NLRP13: variants seen among roughly 807,000 people sequenced by gnomAD.
NLRP13 encodes NLR family pyrin domain containing 13.
NLRP13 carries 82 observed loss-of-function variants against 94.4 expected under a neutral mutation model. That is an observed-to-expected ratio of 0.87 (90% CI 0.73 to 1.04). NLRP13 has a LOEUF of 1.04. NLRP13 is among the 50% of genes least tolerant of loss of function. The probability of loss-of-function intolerance (pLI) is 0.00; values close to 1 mark genes in which losing one functional copy is unlikely to be tolerated. For missense variants in NLRP13, 1,426 were observed against 1,230.8 expected (o/e 1.16, Z -2.37); for synonymous variants, 553 against 464.7 (o/e 1.19, Z -2.45).
intron 9 of NLRP13, among the ~76,000 whole-genome samples, 172 bp from the exon 10 acceptor site, chr19:55,899,109 G>A (rs1222600253): frequency 6.6e-6 from 1 of 152,014 alleles, no homozygotes; most frequent in African/African-American, 2.4e-5. Flanking sequence ...ACCTCCAGGT[G>A]CTCTATTTAC....
chr19:55,920,563 T>C (rs1039374744), intron 4 of NLRP13, among the ~76,000 whole-genome samples: 1 of 151,984 alleles, frequency 6.6e-6, no homozygotes, highest in Non-Finnish European at 1.5e-5. Flanking sequence ...ATGCTCATTA[T>C]CACTAGGCAG....
At chr19:55,897,022 G>T (rs1474204031) in intron 10 of NLRP13, among the ~76,000 whole-genome samples, 1 of 151,992 alleles carries the variant, frequency 6.6e-6, no homozygotes, top group Non-Finnish European at 1.5e-5. Flanking sequence ...TAGTATACAA[G>T]GGATATGAGT....
At position 55,932,135 on chromosome 19, in the gene NLRP13, G is replaced by T. The variant is rs781168408; in HGVS notation, c.177C>A (p.Asn59Lys). 6.2e-7 allele frequency: 1 copy of T among 1,614,170 alleles called. No homozygotes were observed. Among genetic ancestry groups the T allele is most frequent in the Non-Finnish European group, 8.5e-7 (1 of 1,180,028 alleles). Residue 59 changes from asparagine (N) to lysine (K), a missense_variant, in exon 1 of 11, where the codon AAC becomes AAA. Coordinates refer to ENST00000342929, the MANE Select transcript of NLRP13 (RefSeq NM_176810.2). ...QGHFPRIPWA[N>K]LRAADPLNLS... ...GATTCAAAGGGTCGGCAGCTCTCAA[G>T]TTTGCCCAGGGGATACGCGGGAAGT... is the stretch of plus-strand genomic sequence containing the variant.
chr19:55,903,189 C>T (rs569178630), intron 8 of NLRP13, among the ~76,000 whole-genome samples: 2 of 152,138 alleles, frequency 1.3e-5, no homozygotes, highest in African/African-American at 4.8e-5. Context: ...CATGATCATA[C>T]ACGTATAATT....
rs149489544 is a variant in NLRP13 at position 55,912,605 on chromosome 19, T to G, written c.1212A>C (p.Glu404Asp). ...YFMRHFDDSS[E>D]VEKILQQLRK... ...TTAGCTGCTGCAGGATTTTCTCAAC[T>G]TCACTTGAGTCATCAAAGTGTCTCA... Residue 404 changes from glutamate (E) to aspartate (D), a missense_variant, in exon 5 of 11, where the codon GAA becomes GAC. Physicochemically the swap from Glu to Asp is conservative, Grantham distance 45. Transcript: ENST00000342929. The G allele has an allele frequency of 2.1e-4, 347 of 1,614,022 alleles. No individual in the cohort carries two copies. The highest frequency in any genetic ancestry group is 1.4e-4 in the Non-Finnish European group (171 of 1,180,026).
intron 1 of NLRP13, among the ~76,000 whole-genome samples, chr19:55,931,631 C>G (rs1352211902): frequency 6.7e-6 from 1 of 149,818 alleles, no homozygotes; most frequent in Non-Finnish European, 1.5e-5. Context: ...ATCGCTTCAA[C>G]CTGGGAGGCA....
At chr19:55,917,411 G>GA (rs34754012) in intron 4 of NLRP13, among the ~76,000 whole-genome samples, 2 of 151,844 alleles carry the variant, frequency 1.3e-5, no homozygotes, top group Admixed American at 6.6e-5. Context: ...ATTGTAACTG[G>GA]AAAAAAGGTC....
rs1239201817 is a variant in NLRP13, at chr19:55,913,148, C to T, written c.669G>A (p.Arg223=). 4 of 1,614,068 alleles carry T rather than the reference C, an allele frequency of 2.5e-6. No individual in the cohort carries two copies. The highest frequency in any genetic ancestry group is 1.6e-4 in the Middle Eastern group (1 of 6,062). ...CTATCGTCTGGGCCTGGGCTCTAGT[C>T]CTATTAGGATCCAGTAGGCGCTGCA... ...EELQRLLDPN[R]TRAQAQTIVL... is the part of the protein sequence containing the mutation. Residue 223 remains arginine (R), a synonymous_variant, in exon 5 of 11, where the codon AGG becomes AGA. Coordinates refer to ENST00000342929, the MANE Select transcript of NLRP13 (RefSeq NM_176810.2).
chr19:55,899,006 G>A, intron 9 of NLRP13, 69 bp from the exon 10 acceptor site: 1 of 1,482,400 alleles, frequency 6.7e-7, no homozygotes, highest in Non-Finnish European at 9.1e-7. Flanking sequence ...GTTTACAACT[G>A]CCCATCTCAC....
intron 6 of NLRP13, among the ~76,000 whole-genome samples, chr19:55,909,148 C>G (rs1440228181): frequency 6.6e-6 from 1 of 152,200 alleles, no homozygotes; most frequent in Non-Finnish European, 1.5e-5. Flanking sequence ...ACAAATCCCA[C>G]CTCAGATTCA....
chr19:55,911,320 C>T (rs893887395), intron 5 of NLRP13, among the ~76,000 whole-genome samples: 6 of 152,152 alleles, frequency 3.9e-5, no homozygotes, highest in Non-Finnish European at 8.8e-5. Context: ...CAACTTCTGC[C>T]TCCTTGGCTC....
At chr19:55,899,253 C>T (rs939997275) in intron 9 of NLRP13, among the ~76,000 whole-genome samples, 5 of 152,146 alleles carry the variant, frequency 3.3e-5, no homozygotes, top group Admixed American at 6.5e-5. Flanking sequence ...TCACAGTGCA[C>T]GATTCTCAGC....
Position 55,911,777 on chromosome 19 carries a change from G to C in NLRP13, c.2040C>G (p.His680Gln), listed in dbSNP as rs1160619699. 1 of 1,613,854 alleles carries C rather than the reference G, an allele frequency of 6.2e-7. No homozygotes were observed. Among genetic ancestry groups the C allele is most frequent in the Non-Finnish European group, 8.5e-7 (1 of 1,179,866 alleles). ...ELQASSFCLK[H>Q]CKRLNKLRLS... ...GCCTTAGCTTATTTAACCTTTTACA[G>C]TGCTTTAGGCAAAATGAAGAAGCTT... The change falls in exon 5 of 11, where the codon CAC becomes CAG. Residue 680 changes from histidine (H) to glutamine (Q), a missense_variant. Physicochemically the swap from His to Gln is conservative, Grantham distance 24. Transcript: ENST00000342929.
rs568628415 is a variant in NLRP13, at chr19:55,918,355, A to G, written c.524-5062T>C. Among the ~76,000 whole-genome samples the G allele has an allele frequency of 2.0e-5, 3 of 152,134 alleles. No homozygotes were observed. The South Asian group carries it at 6.2e-4, about 32-fold the overall frequency. ...ACTCAAGGAAAAAGAATAAGAACAA[A>G]TCAAACCCAAAGCTAGAAGAAAAAT... On this transcript the variant is annotated intron_variant, in intron 4 of 10. Transcript: ENST00000342929.
chr19:55,925,306 C>T (rs142449178), intron 1 of NLRP13, among the ~76,000 whole-genome samples: 158 of 152,362 alleles, frequency 1.0e-3, no homozygotes, highest in African/African-American at 3.7e-3. Context: ...TTAGCTCACT[C>T]TCAAGGCTCT....
chr19:55,918,004 G>A (rs544432350), intron 4 of NLRP13, among the ~76,000 whole-genome samples: 1 of 152,082 alleles, frequency 6.6e-6, no homozygotes, highest in Non-Finnish European at 1.5e-5. Context: ...TAGACCGTAT[G>A]TTAGGCTACA....
intron 9 of NLRP13, among the ~76,000 whole-genome samples, chr19:55,899,678 G>A (rs903255091): frequency 1.3e-5 from 2 of 152,194 alleles, no homozygotes; most frequent in Non-Finnish European, 2.9e-5. Flanking sequence ...TACTTGGGAG[G>A]CTGAGGCAGG....
intron 7 of NLRP13, 106 bp downstream of exon 7, chr19:55,907,686 C>T (rs1453692676): frequency 9.4e-7 from 1 of 1,058,516 alleles, no homozygotes; most frequent in Non-Finnish European, 1.4e-6. Context: ...CCTTCTCTGT[C>T]TCCTTTTGCT....
At chr19:55,924,900 T>C in intron 2 of NLRP13, 67 bp downstream of exon 2, 13 of 1,309,638 alleles carry the variant, frequency 9.9e-6, no homozygotes, top group East Asian at 2.3e-5. Context: ...AGGCAGCGGA[T>C]GTGGACCAGT....
Sources: allele counts gnomAD v4.1 joint callset (sites outside exome capture counted in the v4.1 genomes callset), GRCh38; gene constraint gnomAD v4.1.1; transcripts MANE v1.5; gene names NCBI Gene and HGNC (gene_info 2026-07-23, HGNC 2026-07-21).